Variants in ABCA4 observed in about 807,000 individuals in gnomAD.
ABCA4 encodes the protein retinal-specific phospholipid-transporting ATPase ABCA4.
A neutral mutation model predicts 263.7 loss-of-function variants in ABCA4; 196 were observed. That is an observed-to-expected ratio of 0.74 (90% CI 0.66 to 0.84). The LOEUF (loss-of-function observed/expected upper bound fraction) is 0.84. ABCA4 is among the 40% of genes least tolerant of loss of function. The probability of loss-of-function intolerance (pLI) is 0.00; values close to 1 mark genes in which losing one functional copy is unlikely to be tolerated. For synonymous variants in ABCA4, 1,133 were observed against 1,094.2 expected, an observed-to-expected ratio of 1.04 and a Z score of -0.70; for missense variants, 2,792 against 2,855.1, an observed-to-expected ratio of 0.98 and a Z score of 0.50.
chr1:94,069,541 G>A (rs541800775), intron 11 of ABCA4, among the ~76,000 whole-genome samples: 7 of 152,214 alleles, frequency 4.6e-5, no homozygotes, highest in African/African-American at 1.4e-4. Flanking sequence ...CAAAGCGGGC[G>A]ATGAATGCCA....
intron 32 of ABCA4, 131 bp downstream of exon 32, chr1:94,023,255 G>A (rs2101025804): frequency 2.7e-6 from 2 of 744,830 alleles, no homozygotes; most frequent in South Asian, 1.6e-5. Flanking sequence ...TTCAGGACGT[G>A]TCTTGTGACT....
chr1:94,107,453 G>A (rs771070186), intron 4 of ABCA4, among the ~76,000 whole-genome samples: 1 of 152,194 alleles, frequency 6.6e-6, no homozygotes, highest in Non-Finnish European at 1.5e-5. Flanking sequence ...ATCCACAGAG[G>A]AGCCTACTAC....
intron 20 of ABCA4, among the ~76,000 whole-genome samples, 181 bp from the exon 21 acceptor site, chr1:94,043,656 C>T (rs912913431): frequency 1.3e-5 from 2 of 152,010 alleles, no homozygotes; most frequent in African/African-American, 4.8e-5. Context: ...AAGAGGATGG[C>T]TTACATAGTT....
At chr1:94,117,419 C>T (rs1193513325) in intron 1 of ABCA4, among the ~76,000 whole-genome samples, 1 of 152,046 alleles carries the variant, frequency 6.6e-6, no homozygotes, top group African/African-American at 2.4e-5. Flanking sequence ...GTCCCAGGTG[C>T]TCCAGGGTGT....
chr1:94,076,463 C>T (rs543300494), intron 11 of ABCA4, among the ~76,000 whole-genome samples: 10 of 152,276 alleles, frequency 6.6e-5, no homozygotes, highest in South Asian at 2.1e-4. Context: ...CCAATAAATG[C>T]TTTCTTTTTG....
At chr1:94,082,622 G>A (rs1661731940) in intron 7 of ABCA4, among the ~76,000 whole-genome samples, 1 of 152,176 alleles carries the variant, frequency 6.6e-6, no homozygotes. Context: ...GGTTGGTGGA[G>A]CCCAAGTCAG....
At chr1:94,115,491 T>A (rs1662734703) in intron 1 of ABCA4, among the ~76,000 whole-genome samples, 1 of 152,128 alleles carries the variant, frequency 6.6e-6, no homozygotes, top group East Asian at 1.9e-4. Flanking sequence ...CACTCAGGGT[T>A]AAGAGAAGGT....
chr1:94,036,881 T>A, intron 25 of ABCA4, 93 bp from the exon 26 acceptor site: 1 of 1,269,608 alleles, frequency 7.9e-7, no homozygotes. Flanking sequence ...TATTGCTTCA[T>A]AATGGGAAGA....
At chr1:94,120,383 T>C (rs1662916070) in intron 1 of ABCA4, among the ~76,000 whole-genome samples, 1 of 152,198 alleles carries the variant, frequency 6.6e-6, no homozygotes, top group South Asian at 2.1e-4. Context: ...ACGTATTGCA[T>C]CTCACAGAAT....
At chr1:94,000,390 G>A (rs918913283) in intron 47 of ABCA4, among the ~76,000 whole-genome samples, 1 of 152,186 alleles carries the variant, frequency 6.6e-6, no homozygotes, top group Admixed American at 6.5e-5. Flanking sequence ...ATAACATATG[G>A]TCTTTTTTCA....
At chr1:94,024,861 A>G (rs1435564480) in intron 31 of ABCA4, 93 bp downstream of exon 31, 8 of 1,154,966 alleles carry the variant, frequency 6.9e-6, no homozygotes, top group Non-Finnish European at 1.0e-5. Context: ...TGCCCTGATC[A>G]TACATAAATT....
chr1:94,032,467 T>C (rs543679779), intron 26 of ABCA4, among the ~76,000 whole-genome samples: 195 of 152,230 alleles, frequency 1.3e-3, no homozygotes, highest in African/African-American at 4.2e-3. Context: ...TGAAACCCCC[T>C]CTCTACAAAA....
chr1:94,001,222 C>A, intron 45 of ABCA4, 117 bp from the exon 46 acceptor site: 5 of 781,414 alleles, frequency 6.4e-6, no homozygotes, highest in Non-Finnish European at 1.1e-5. Context: ...CACACAGTCA[C>A]TCCCCTCACT....
chr1:94,001,641 G>T (rs769004216), intron 45 of ABCA4: 7 of 723,224 alleles, frequency 9.7e-6, no homozygotes, highest in African/African-American at 7.0e-5. Context: ...CAGGATGTGC[G>T]CAGTCCCAAG....
chr1:94,101,316 G>A (rs536813090), intron 5 of ABCA4, among the ~76,000 whole-genome samples: 2 of 151,532 alleles, frequency 1.3e-5, no homozygotes, highest in South Asian at 4.2e-4. Flanking sequence ...ATGAGCAATC[G>A]GTGCCGACAG....
At position 94,079,302 on chromosome 1, in the gene ABCA4, A is replaced by C. The variant is rs747040815; in HGVS notation, c.1239+20T>G. The C allele has an allele frequency of 6.2e-7, 1 of 1,614,026 alleles. No individual in the cohort carries two copies. Among genetic ancestry groups the C allele is most frequent in the Non-Finnish European group, 8.5e-7 (1 of 1,179,974 alleles). ...CTGGGAGGTCCAGGGTACACAAGGC[A>C]AGCCCAGCTGGGATCTTACATTCTT... On this transcript the variant is annotated intron_variant, in intron 9 of 49. Coordinates refer to ENST00000370225, the MANE Select transcript of ABCA4 (RefSeq NM_000350.3).
At chr1:94,050,999 C>T (rs1379311259) in intron 17 of ABCA4, among the ~76,000 whole-genome samples, 1 of 152,178 alleles carries the variant, frequency 6.6e-6, no homozygotes, top group Non-Finnish European at 1.5e-5. Flanking sequence ...TGTGCTTTTC[C>T]CTGCTTCTAG....
chr1:94,108,766 C>G, intron 3 of ABCA4, 50 bp from the exon 4 acceptor site: 1 of 1,600,376 alleles, frequency 6.2e-7, no homozygotes. Flanking sequence ...ATTTTTATAA[C>G]AGTAATAATA....
At chr1:94,115,107 A>T (rs1204465917) in intron 1 of ABCA4, among the ~76,000 whole-genome samples, 1 of 152,208 alleles carries the variant, frequency 6.6e-6, no homozygotes, top group Non-Finnish European at 1.5e-5. Context: ...CTTGTCTTCC[A>T]TTCTGGATCA....
Sources: gnomAD v4.1 joint callset for allele counts (sites outside exome capture counted in the v4.1 genomes callset) on GRCh38, gnomAD v4.1.1 for gene constraint, MANE v1.5 for transcripts, NCBI Gene and HGNC (gene_info 2026-07-23, HGNC 2026-07-21) for gene names.